KCNG2: variants seen among roughly 807,000 people sequenced by gnomAD.
The protein encoded by KCNG2 is potassium voltage-gated channel modifier subfamily G member 2.
A neutral mutation model predicts 12.3 loss-of-function variants in KCNG2; 7 were observed. That is an observed-to-expected ratio of 0.57 (90% CI 0.32 to 1.07). The LOEUF (loss-of-function observed/expected upper bound fraction) is 1.07, where lower values mean the gene tolerates loss of function less well. KCNG2 is among the 50% of genes least tolerant of loss of function. The pLI, the probability that KCNG2 is intolerant of heterozygous loss-of-function variation, is 0.04. For synonymous variants in KCNG2, 414 were observed against 351.4 expected, an observed-to-expected ratio of 1.18 and a Z score of -1.99; for missense variants, 703 against 726.0, an observed-to-expected ratio of 0.97 and a Z score of 0.36.
intron 3 of KCNG2, among the ~76,000 whole-genome samples, chr18:79,885,830 CATGGGGACACGGGACAGGGAG>C (rs1980507562): frequency 7.2e-6 from 1 of 139,560 alleles, no homozygotes; most frequent in Non-Finnish European, 1.6e-5. Context: ...GGGACGGGGA[CATGGGGACACGGGACAGGGAG>C]ATGGGGATGG....
chr18:79,806,706 T>C (rs1051029463), intron 1 of KCNG2, among the ~76,000 whole-genome samples: 4 of 152,224 alleles, frequency 2.6e-5, no homozygotes, highest in African/African-American at 7.2e-5. Context: ...TACTGATGAA[T>C]TGGCCTCTTT....
At chr18:79,843,216 A>G (rs944776862) in intron 1 of KCNG2, among the ~76,000 whole-genome samples, 3 of 151,696 alleles carry the variant, frequency 2.0e-5, no homozygotes, top group South Asian at 2.1e-4. Context: ...AAAGTGCTGG[A>G]AAAAAAAAGT....
rs1360113997 is a variant in KCNG2, at chr18:79,861,277, T to C, written c.-40-2351T>C. Reference sequence around the variant, plus strand: ...TCTGTTTTCTTCTCTCTCTCTCTTTTTTTTTTTTTTTTTTTTTTGAGATGG... The same window carrying C: ...TCTGTTTTCTTCTCTCTCTCTCTTTCTTTTTTTTTTTTTTTTTTGAGATGG... On this transcript the variant is annotated intron_variant, in intron 2 of 3. Transcript: ENST00000316249. 3.0e-4 allele frequency among the ~76,000 whole-genome samples: 33 copies of C among 108,366 alleles called. No homozygotes were observed. In the East Asian group the frequency reaches 3.8e-3, roughly 12 times the overall value. 71.1% of individuals were successfully genotyped at this position (108,366 alleles called of 152,430 possible).
intron 1 of KCNG2, among the ~76,000 whole-genome samples, 30 bp from the exon 2 acceptor site, chr18:79,856,349 T>C (rs1259805450): frequency 1.3e-5 from 2 of 152,206 alleles, no homozygotes; most frequent in African/African-American, 4.8e-5. Context: ...TCTCTGTCCC[T>C]TAGGGTGAAA....
At chr18:79,873,437 CA>C (rs1979940428) in intron 3 of KCNG2, among the ~76,000 whole-genome samples, 8 of 143,458 alleles carry the variant, frequency 5.6e-5, no homozygotes, top group African/African-American at 1.8e-4. Flanking sequence ...CCCCCCCCCC[CA>C]GCCACCTCCT....
intron 3 of KCNG2, among the ~76,000 whole-genome samples, chr18:79,867,382 T>C (rs1220971625): frequency 1.3e-5 from 2 of 148,598 alleles, no homozygotes; most frequent in Non-Finnish European, 3.0e-5. Context: ...GCATGTGTCA[T>C]GTCTGGGGAA....
At chr18:79,870,856 T>C (rs1027813527) in intron 3 of KCNG2, among the ~76,000 whole-genome samples, 2 of 152,144 alleles carry the variant, frequency 1.3e-5, no homozygotes, top group African/African-American at 2.4e-5. Flanking sequence ...TTGTGTCAGC[T>C]CACAGAGCGA....
Position 79,809,522 on chromosome 18 carries a change from GCCGCGCTGACC to G in KCNG2, c.-115+11509_-115+11519del, listed in dbSNP as rs1466614072. Among the ~76,000 whole-genome samples, 25 of 96,988 alleles carry G rather than the reference GCCGCGCTGACC, an allele frequency of 2.6e-4. 1 individual carries two copies. Among genetic ancestry groups the G allele is most frequent in the African/African-American group, 7.6e-4 (19 of 24,966 alleles). The allele number at this position is 96,988 out of a possible 152,430, so 63.6% of individuals were successfully genotyped here. A position where few individuals can be genotyped will look rare whatever the true frequency, so the allele number is the denominator to read the frequency against. Reference sequence around the variant, plus strand: ...GTCCGCGCTCTGAGGAGCTGCCGGGGCCGCGCTGACCACACTCCACGTTACCGGCCCAGAGT... The same window carrying G: ...GTCCGCGCTCTGAGGAGCTGCCGGGGACACTCCACGTTACCGGCCCAGAGT... On this transcript the variant is annotated intron_variant, in intron 1 of 3. Coordinates refer to ENST00000316249, the MANE Select transcript of KCNG2 (RefSeq NM_012283.2).
intron 1 of KCNG2, among the ~76,000 whole-genome samples, chr18:79,838,592 G>A (rs545701276): frequency 4.6e-5 from 7 of 152,092 alleles, no homozygotes; most frequent in Non-Finnish European, 8.8e-5. Flanking sequence ...TAAATTTTTT[G>A]TAGAGATGGG....
At chr18:79,897,816 G>A (rs923505347) in intron 3 of KCNG2, among the ~76,000 whole-genome samples, 9 of 151,906 alleles carry the variant, frequency 5.9e-5, no homozygotes, top group African/African-American at 9.7e-5. Context: ...TCTCGGTGTC[G>A]AAGCACCAGT....
At position 79,855,454 on chromosome 18, in the gene KCNG2, G is replaced by A. The variant is rs544330841; in HGVS notation, c.-114-925G>A. On this transcript the variant is annotated intron_variant, in intron 1 of 3. Transcript: ENST00000316249. The stretch of plus-strand genomic sequence containing the variant: ...ATCACCCCCACTGCTGGGAACTGCC[G>A]CTTTGACTGGTTCTCTGCTTGGTTC... 1.1e-3 allele frequency among the ~76,000 whole-genome samples: 166 copies of A among 152,186 alleles called. 1 individual carries two copies. Among genetic ancestry groups the A allele is most frequent in the African/African-American group, 3.7e-3 (155 of 41,516 alleles).
intron 1 of KCNG2, among the ~76,000 whole-genome samples, chr18:79,821,367 G>A (rs1234833334): frequency 6.7e-6 from 1 of 148,226 alleles, no homozygotes; most frequent in African/African-American, 2.5e-5. Context: ...TTGGCTCACG[G>A]CAACATCTGC....
rs191048225 is a variant in KCNG2 at position 79,871,934 on chromosome 18, G to A, written c.624+7643G>A. The stretch of plus-strand genomic sequence containing the variant: ...GACCCGCAGCAGATGTGTCACCAGG[G>A]CCAGCTGCTCTGGGGCCGCACAATG... On this transcript the variant is annotated intron_variant, in intron 3 of 3. Coordinates refer to ENST00000316249, the MANE Select transcript of KCNG2 (RefSeq NM_012283.2). 4.6e-5 allele frequency among the ~76,000 whole-genome samples: 7 copies of A among 152,356 alleles called. No individual in the cohort carries two copies. In the South Asian group the frequency reaches 8.3e-4, roughly 18 times the overall value.
Position 79,863,830 on chromosome 18 carries a change from C to G in KCNG2, c.163C>G (p.Leu55Val), listed in dbSNP as rs759101627. 7.0e-7 allele frequency: 1 copy of G among 1,423,102 alleles called. No individual in the cohort carries two copies. Among genetic ancestry groups the G allele is most frequent in the Admixed American group, 2.7e-5 (1 of 36,416 alleles). 88.2% of individuals were successfully genotyped at this position (1,423,102 alleles called of 1,614,324 possible). A position where few individuals can be genotyped will look rare whatever the true frequency, so the allele number is the denominator to read the frequency against. ...GCGCGCCTGCCGCGGCCACGACGAC[C>G]TGCTGCGCGTGTGTGACGACTACGA... ...RLRACRGHDD[L>V]LRVCDDYDVS... Residue 55 changes from leucine (L) to valine (V), a missense_variant, in exon 3 of 4, where the codon CTG (leucine) becomes GTG (valine). Transcript: ENST00000316249.
At chr18:79,834,200 C>T (rs1239137209) in intron 1 of KCNG2, among the ~76,000 whole-genome samples, 1 of 152,246 alleles carries the variant, frequency 6.6e-6, no homozygotes, top group East Asian at 1.9e-4. Flanking sequence ...GATCAGGCTG[C>T]AGAACCCTGA....
chr18:79,823,986 T>C (rs562655188), intron 1 of KCNG2, among the ~76,000 whole-genome samples: 10 of 152,354 alleles, frequency 6.6e-5, no homozygotes, highest in African/African-American at 2.2e-4. Flanking sequence ...CTACTGTAAA[T>C]GGACTTTTTC....
At chr18:79,867,495 G>A (rs1216129540) in intron 3 of KCNG2, among the ~76,000 whole-genome samples, 1 of 117,510 alleles carries the variant, frequency 8.5e-6, no homozygotes, top group Non-Finnish European at 1.8e-5. Flanking sequence ...GTGTCTGGGG[G>A]GGGGATCGTG....
intron 1 of KCNG2, among the ~76,000 whole-genome samples, chr18:79,806,299 G>A (rs576515257): frequency 6.1e-4 from 92 of 152,054 alleles, no homozygotes; most frequent in African/African-American, 2.2e-3. Context: ...AGGCCGCTGT[G>A]TCGGGGGTCG....
chr18:79,867,177 G>A lies in KCNG2; in HGVS notation c.624+2886G>A, dbSNP rs1025655795. 3.4e-5 allele frequency among the ~76,000 whole-genome samples: 5 copies of A among 145,982 alleles called. No individual in the cohort carries two copies. In the East Asian group the frequency reaches 6.4e-4, roughly 19 times the overall value. ...GGTACCGAGGTCTGGGTGCTGAGAG[G>A]TCTGGGTGCTGAGAGATCTGGGTGC... On this transcript the variant is annotated intron_variant, in intron 3 of 3. Coordinates refer to ENST00000316249, the MANE Select transcript of KCNG2 (RefSeq NM_012283.2).
Sources: allele counts gnomAD v4.1 joint callset (sites outside exome capture counted in the v4.1 genomes callset), GRCh38; gene constraint gnomAD v4.1.1; transcripts MANE v1.5; gene names NCBI Gene and HGNC (gene_info 2026-07-23, HGNC 2026-07-21).